The following MCF2L variants were observed in gnomAD, a reference collection of about 807,000 sequenced individuals.
The protein encoded by MCF2L is MCF.2 cell line derived transforming sequence like, also known as guanine nucleotide exchange factor DBS.
MCF2L carries 97 observed loss-of-function variants against 153.4 expected under a neutral mutation model. The observed-to-expected ratio is 0.63, with a 90% CI of 0.54 to 0.75. The LOEUF (loss-of-function observed/expected upper bound fraction) is 0.75, where lower values mean the gene tolerates loss of function less well. MCF2L is among the 30% of genes least tolerant of loss of function. The pLI, the probability that MCF2L is intolerant of heterozygous loss-of-function variation, is 0.00. For missense variants in MCF2L, 1,347 were observed against 1,495.2 expected, an observed-to-expected ratio of 0.90 and a Z score of 1.64; for synonymous variants, 659 against 632.2, an observed-to-expected ratio of 1.04 and a Z score of -0.64.
At chr13:113,024,538 C>T (rs28421017) in intron 2 of MCF2L, 106 bp from the exon 3 acceptor site, 12 of 673,398 alleles carry the variant, frequency 1.8e-5, no homozygotes, top group Non-Finnish European at 3.0e-5. Context: ...GAACATGCCT[C>T]AGTTTTAACT....
rs72663547 is a variant in MCF2L, at chr13:113,089,686, G to T, written c.2911G>T (p.Val971Phe). Residue 971 changes from valine (V) to phenylalanine (F), a missense_variant, in exon 26 of 30, where the codon GTC (valine) becomes TTC (phenylalanine). Transcript: ENST00000535094. ...KTDPLSLEGY[V>F]SSAPLTKPPE... The stretch of plus-strand genomic sequence containing the variant: ...AGACCCCCTAAGCCTGGAGGGATAC[G>T]TCAGCTCAGCGCCACTGACAAAGCC... The T allele has an allele frequency of 2.1e-4, 331 of 1,613,924 alleles. No individual in the cohort carries two copies. The highest frequency in any genetic ancestry group is 2.2e-4 in the Non-Finnish European group (259 of 1,180,016).
intron 1 of MCF2L, among the ~76,000 whole-genome samples, chr13:112,976,849 A>T (rs1427220689): frequency 6.6e-6 from 1 of 152,238 alleles, no homozygotes; most frequent in Non-Finnish European, 1.5e-5. Context: ...GACCTGGTCC[A>T]GCAGGGCTGG....
intron 1 of MCF2L, among the ~76,000 whole-genome samples, chr13:112,979,065 C>T (rs912990389): frequency 1.3e-5 from 2 of 152,222 alleles, no homozygotes; most frequent in East Asian, 1.9e-4. Context: ...AAAGCATCTC[C>T]GGCCACGCAA....
intron 1 of MCF2L, among the ~76,000 whole-genome samples, chr13:113,003,735 A>C (rs966482703): frequency 6.6e-6 from 1 of 152,138 alleles, no homozygotes; most frequent in Non-Finnish European, 1.5e-5. Context: ...TACATTGAAG[A>C]AGCATTGTCG....
Position 113,045,131 on chromosome 13 carries a change from G to A in MCF2L, c.279-140G>A. The A allele has an allele frequency of 1.1e-6, 1 of 925,246 alleles. No homozygotes were observed. Among genetic ancestry groups the A allele is most frequent in the Non-Finnish European group, 1.7e-6 (1 of 581,756 alleles). The allele number at this position is 925,246 out of a possible 1,614,324, so 57.3% of individuals were successfully genotyped here. A position where few individuals can be genotyped will look rare whatever the true frequency, so the allele number is the denominator to read the frequency against. On this transcript the variant is annotated intron_variant, in intron 3 of 29. Transcript: ENST00000535094. This position sits in a 1 kb window ranked among gnomAD's most constrained non-coding sequence, Gnocchi z 4.2. The stretch of plus-strand genomic sequence containing the variant: ...GATGGGGCTGCCGGGGCCCCCGTGT[G>A]CCATGCCTCTCACCTGGTATTGCAG...
At chr13:112,917,076 C>G (rs887978349) in intron 2 of MCF2L, 2 of 471,160 alleles carry the variant, frequency 4.2e-6, no homozygotes, top group Non-Finnish European at 8.8e-6. Context: ...TGTCGTTTCT[C>G]CTGTCTAAAC....
rs2085708839 is a variant in MCF2L at position 113,031,347 on chromosome 13, G to C, written c.278+6589G>C. 6.6e-6 allele frequency among the ~76,000 whole-genome samples: 1 copy of C among 152,168 alleles called. No individual in the cohort carries two copies. Among genetic ancestry groups the C allele is most frequent in the African/African-American group, 2.4e-5 (1 of 41,428 alleles). Reference sequence around the variant, plus strand: ...GGGTGGCAGCATCACTGCAGACAAGGAACTTAATGTAAACTGGGAAGCATT... The same window carrying C: ...GGGTGGCAGCATCACTGCAGACAAGCAACTTAATGTAAACTGGGAAGCATT... On this transcript the variant is annotated intron_variant, in intron 3 of 29. Transcript: ENST00000535094. The surrounding 1 kb of genome is among the most constrained non-coding windows in gnomAD (Gnocchi z 5.5).
intron 2 of MCF2L, among the ~76,000 whole-genome samples, chr13:112,908,364 AT>A (rs1051417621): frequency 1.3e-5 from 2 of 152,160 alleles, no homozygotes; most frequent in Non-Finnish European, 2.9e-5. Context: ...TGGCTGCAGT[AT>A]TTTTCATCTT....
chr13:112,954,919 G>A (rs1441215168), intron 2 of MCF2L, among the ~76,000 whole-genome samples: 1 of 152,224 alleles, frequency 6.6e-6, no homozygotes, highest in Non-Finnish European at 1.5e-5. Context: ...ATGCTGTTTA[G>A]GGCGAGTTGG....
Position 112,969,950 on chromosome 13 carries a change from A to G in MCF2L, c.79+492A>G, listed in dbSNP as rs1371418306. 6.6e-6 allele frequency among the ~76,000 whole-genome samples: 1 copy of G among 152,188 alleles called. No individual in the cohort carries two copies. Among genetic ancestry groups the G allele is most frequent in the Non-Finnish European group, 1.5e-5 (1 of 68,028 alleles). On this transcript the variant is annotated intron_variant, in intron 1 of 29. Transcript: ENST00000535094. The surrounding 1 kb of genome is among the most constrained non-coding windows in gnomAD (Gnocchi z 4.8). ...AATTTAAACCTAAGACAGATGTTTG[A>G]GACGGTATGGGTAAAGAGTGGACTG... is the stretch of plus-strand genomic sequence containing the variant.
rs1190997459 is a variant in MCF2L, at chr13:112,919,427, G to A, written c.169+17056G>A. Among the ~76,000 whole-genome samples the A allele has an allele frequency of 9.9e-5, 15 of 151,862 alleles. No individual in the cohort carries two copies. In the East Asian group the frequency reaches 1.9e-3, roughly 20 times the overall value. ...TCACCGTTTTAGCCGGGATGCTCTC[G>A]ATCTCCTGACCTCGTGATCCGCCCG... On this transcript the variant is annotated intron_variant, in intron 2 of 29. Transcript: ENST00000375608.
rs961420699 is a variant in MCF2L, at chr13:113,031,024, AAG to A, written c.278+6272_278+6273del. ...CTGTGGGAAAACAATGTGAGAAAGAAAGAGAGACAGAGAGACAGAGACAGACA... is the reference window on the plus strand; with the variant it reads ...CTGTGGGAAAACAATGTGAGAAAGAAAGAGACAGAGAGACAGAGACAGACA... On this transcript the variant is annotated intron_variant, in intron 3 of 29. Coordinates refer to ENST00000535094, the MANE Select transcript of MCF2L (RefSeq NM_001112732.3). This position sits in a 1 kb window ranked among gnomAD's most constrained non-coding sequence, Gnocchi z 5.5. 6.6e-6 allele frequency among the ~76,000 whole-genome samples: 1 copy of A among 151,342 alleles called. No homozygotes were observed. The highest frequency in any genetic ancestry group is 2.4e-5 in the African/African-American group (1 of 41,004).
rs773681685 is a variant in MCF2L, at chr13:113,024,638, C to G, written c.164-6C>G. 1.2e-6 allele frequency: 2 copies of G among 1,608,630 alleles called. No homozygotes were observed. Among genetic ancestry groups the G allele is most frequent in the African/African-American group, 1.3e-5 (1 of 74,862 alleles). On this transcript the variant is annotated splice_region_variant and splice_polypyrimidine_tract_variant and intron_variant, in intron 2 of 29. Coordinates refer to ENST00000535094, the MANE Select transcript of MCF2L (RefSeq NM_001112732.3). ...GGCTAAGGGTCTGCCTCTGGTCTCTCCCCAGGTGGGCGGGGGCAGGACGGA... is the reference window on the plus strand; with the variant it reads ...GGCTAAGGGTCTGCCTCTGGTCTCTGCCCAGGTGGGCGGGGGCAGGACGGA...
intron 1 of MCF2L, among the ~76,000 whole-genome samples, chr13:112,895,643 AC>A (rs2081060053): frequency 6.6e-6 from 1 of 152,028 alleles, no homozygotes; most frequent in African/African-American, 2.4e-5. Context: ...GGGGGACGGG[AC>A]CCCGGGAGCC....
In MCF2L at chr13:113,046,728, T is replaced by TGCCCCTCGCC. The variant is rs1451475371; in HGVS notation, c.369+1370_369+1379dup. 3 of 498,090 alleles carry TGCCCCTCGCC rather than the reference T, an allele frequency of 6.0e-6. No individual in the cohort carries two copies. The highest frequency in any genetic ancestry group is 1.2e-5 in the Non-Finnish European group (3 of 241,474). The allele number at this position is 498,090 out of a possible 1,614,324, so 30.9% of individuals were successfully genotyped here. ...TCCTTGCACCCCCACGGCACCTCTC[T>TGCCCCTCGCC]GCCCCTCGCCGCGGCGGATCCCCGT... On this transcript the variant is annotated intron_variant, in intron 4 of 29. Transcript: ENST00000535094. This position sits in a 1 kb window ranked among gnomAD's most constrained non-coding sequence, Gnocchi z 4.4.
At chr13:112,912,783 GTGTC>G (rs1475880462) in intron 2 of MCF2L, among the ~76,000 whole-genome samples, 3 of 152,046 alleles carry the variant, frequency 2.0e-5, no homozygotes, top group African/African-American at 7.3e-5. Context: ...GTCTGTGTGT[GTGTC>G]TGTGGTGTAT....
chr13:113,033,641 C>G (rs988269883), intron 3 of MCF2L, among the ~76,000 whole-genome samples: 2 of 152,158 alleles, frequency 1.3e-5, no homozygotes, highest in Non-Finnish European at 2.9e-5. Flanking sequence ...TTTCCCCCCC[C>G]CACCCCAACG....
At chr13:113,003,848 T>C (rs1410716928) in intron 1 of MCF2L, among the ~76,000 whole-genome samples, 1 of 152,138 alleles carries the variant, frequency 6.6e-6, no homozygotes, top group Admixed American at 6.5e-5. Flanking sequence ...CACCTGTGGG[T>C]GACCTTTCTC....
intron 1 of MCF2L, among the ~76,000 whole-genome samples, chr13:112,978,939 G>A (rs1002184520): frequency 2.0e-5 from 3 of 152,210 alleles, no homozygotes; most frequent in African/African-American, 7.2e-5. Flanking sequence ...AGGGTGGCAC[G>A]TCACCTCGGG....
Sources: allele counts gnomAD v4.1 joint callset (sites outside exome capture counted in the v4.1 genomes callset), GRCh38; gene constraint gnomAD v4.1.1; non-coding constraint Gnocchi (gnomAD v3.1); transcripts MANE v1.5; gene names NCBI Gene and HGNC (gene_info 2026-07-23, HGNC 2026-07-21).